ATXN1: variants seen among roughly 807,000 people sequenced by gnomAD.
The protein encoded by ATXN1 is ataxin-1.
In ATXN1, 8 loss-of-function variants were observed where a neutral mutation model predicts 56.4. That is an observed-to-expected ratio of 0.14 (90% CI 0.08 to 0.26). The LOEUF (loss-of-function observed/expected upper bound fraction) is 0.26. ATXN1 is among the 10% of genes least tolerant of loss of function. The probability of loss-of-function intolerance (pLI) is 1.00; values close to 1 mark genes in which losing one functional copy is unlikely to be tolerated. For missense variants in ATXN1, 987 were observed against 1,106.5 expected (o/e 0.89, Z 1.53); for synonymous variants, 514 against 494.6 (o/e 1.04, Z -0.52).
chr6:16,348,195 C>T (rs1025932671), intron 6 of ATXN1, among the ~76,000 whole-genome samples: 5 of 152,194 alleles, frequency 3.3e-5, no homozygotes, highest in Non-Finnish European at 7.3e-5. Context: ...TCCTTAGTAG[C>T]TGGGATTACA....
At chr6:16,546,856 C>T (rs577994834) in intron 4 of ATXN1, among the ~76,000 whole-genome samples, 79 of 152,244 alleles carry the variant, frequency 5.2e-4, no homozygotes, top group Non-Finnish European at 1.0e-3. Context: ...AGTATTGCCA[C>T]GACAAGTTTA....
intron 6 of ATXN1, among the ~76,000 whole-genome samples, chr6:16,477,984 C>T (rs1414371986): frequency 6.6e-6 from 1 of 152,212 alleles, no homozygotes; most frequent in African/African-American, 2.4e-5. Context: ...CGAGGCCACC[C>T]TCTTCCACCA....
intron 3 of ATXN1, among the ~76,000 whole-genome samples, chr6:16,617,076 C>T (rs116241524): frequency 0.014 from 2,182 of 152,134 alleles, 54 homozygotes; most frequent in African/African-American, 0.049. Flanking sequence ...CTGGCAGTTT[C>T]AGGAATCCAC....
intron 6 of ATXN1, among the ~76,000 whole-genome samples, chr6:16,380,610 C>A (rs902096978): frequency 2.0e-5 from 3 of 152,020 alleles, no homozygotes; most frequent in Non-Finnish European, 4.4e-5. Context: ...GCCTGTCTGG[C>A]TCATTGTCTT....
intron 6 of ATXN1, among the ~76,000 whole-genome samples, chr6:16,378,232 C>T (rs1295830000): frequency 6.6e-6 from 1 of 152,228 alleles, no homozygotes; most frequent in Non-Finnish European, 1.5e-5. Flanking sequence ...ACTGATTGTA[C>T]CACTCCCCTG....
chr6:16,665,987 C>T (rs1480534427), intron 2 of ATXN1, among the ~76,000 whole-genome samples: 1 of 152,158 alleles, frequency 6.6e-6, no homozygotes. Context: ...TTGTTAGGGA[C>T]ATTCCAAATT....
At chr6:16,741,624 C>A (rs757039302) in intron 2 of ATXN1, among the ~76,000 whole-genome samples, 13 of 152,196 alleles carry the variant, frequency 8.5e-5, no homozygotes, top group Admixed American at 2.0e-4. Context: ...TGGTCATTTA[C>A]ACATATTAAA....
At chr6:16,733,907 G>T (rs1760050952) in intron 2 of ATXN1, among the ~76,000 whole-genome samples, 1 of 152,024 alleles carries the variant, frequency 6.6e-6, no homozygotes, top group Admixed American at 6.5e-5. Context: ...CAGCACTTTG[G>T]GAGGCCAAGG....
chr6:16,570,278 C>G (rs1403510211), intron 4 of ATXN1, among the ~76,000 whole-genome samples: 1 of 152,198 alleles, frequency 6.6e-6, no homozygotes, highest in Admixed American at 6.5e-5. Flanking sequence ...GTAAGTTTAA[C>G]CCAAGAAAGC....
intron 6 of ATXN1, among the ~76,000 whole-genome samples, chr6:16,367,402 A>T (rs143680503): frequency 6.4e-4 from 97 of 151,698 alleles, no homozygotes; most frequent in African/African-American, 1.4e-3. Flanking sequence ...ACACACACAC[A>T]ATCAGTGTAA....
At chr6:16,716,616 A>G (rs1150627) in intron 2 of ATXN1, among the ~76,000 whole-genome samples, 77,973 of 151,972 alleles carry the variant, frequency 0.51, 20,228 homozygotes, top group East Asian at 0.66. Context: ...GTGCAAAGGT[A>G]TAGACTACAG....
chr6:16,403,647 G>A (rs944892521), intron 6 of ATXN1, among the ~76,000 whole-genome samples: 1 of 152,128 alleles, frequency 6.6e-6, no homozygotes, highest in Admixed American at 6.5e-5. Flanking sequence ...CATGGCGCCC[G>A]GCCCTAAGCT....
intron 6 of ATXN1, among the ~76,000 whole-genome samples, chr6:16,420,543 T>C (rs775997725): frequency 2.0e-5 from 3 of 152,222 alleles, no homozygotes; most frequent in Non-Finnish European, 4.4e-5. Flanking sequence ...GAGGCAGATG[T>C]ATATAAATGA....
chr6:16,433,349 G>C (rs1201162134), intron 6 of ATXN1, among the ~76,000 whole-genome samples: 1 of 152,172 alleles, frequency 6.6e-6, no homozygotes, highest in Admixed American at 6.5e-5. Context: ...ACAATTAGCT[G>C]ATACCTCAAA....
At chr6:16,400,503 C>T (rs1758545931) in intron 6 of ATXN1, among the ~76,000 whole-genome samples, 1 of 152,200 alleles carries the variant, frequency 6.6e-6, no homozygotes, top group South Asian at 2.1e-4. Context: ...GTTCTAGGTA[C>T]CTGGATCATG....
chr6:16,430,342 A>G (rs886557159), intron 6 of ATXN1, among the ~76,000 whole-genome samples: 1 of 152,132 alleles, frequency 6.6e-6, no homozygotes, highest in Admixed American at 6.5e-5. Flanking sequence ...TAGGAAAAAA[A>G]AAAAAAGAAA....
intron 6 of ATXN1, among the ~76,000 whole-genome samples, chr6:16,464,252 T>TGCACCAATAAGTGCTCTGTAAAAC (rs1760056573): frequency 2.0e-5 from 3 of 152,150 alleles, no homozygotes; most frequent in Non-Finnish European, 4.4e-5. Context: ...CTTTGTAAAA[T>TGCACCAATAAGTGCTCTGTAAAAC]GCACCAATAA....
At chr6:16,515,616 C>T (rs968149972) in intron 5 of ATXN1, among the ~76,000 whole-genome samples, 2 of 152,178 alleles carry the variant, frequency 1.3e-5, no homozygotes, top group African/African-American at 4.8e-5. Context: ...GCAGTCTCCC[C>T]CTTTCTCTCT....
chr6:16,442,059 C>CA (rs201752666), intron 6 of ATXN1, among the ~76,000 whole-genome samples: 2,076 of 151,136 alleles, frequency 0.014, 42 homozygotes, highest in African/African-American at 0.048. Flanking sequence ...GGAAAGAAAA[C>CA]AAAAAAAAAT....
Sources: gnomAD v4.1 joint callset for allele counts (sites outside exome capture counted in the v4.1 genomes callset) on GRCh38, gnomAD v4.1.1 for gene constraint, MANE v1.5 for transcripts, NCBI Gene and HGNC (gene_info 2026-07-23, HGNC 2026-07-21) for gene names.